PVT1: variants seen among roughly 807,000 people sequenced by gnomAD.
PVT1 encodes Pvt1 oncogene.
At chr8:127,896,782 C>CG (rs1010364014) in intron 3 of PVT1, among the ~76,000 whole-genome samples, 1 of 149,460 alleles carries the variant, frequency 6.7e-6, no homozygotes, top group Non-Finnish European at 1.5e-5. Context: ...CCTCCCCCCC[C>CG]CCGCCCCCGA....
intron 3 of PVT1, among the ~76,000 whole-genome samples, chr8:127,959,467 C>A (rs1211068293): frequency 6.6e-6 from 1 of 151,938 alleles, no homozygotes; most frequent in African/African-American, 2.4e-5. Context: ...TGCCTATAGT[C>A]CCAGCTACTC....
intron 6 of PVT1, chr8:128,096,768 A>T (rs1336488156): frequency 6.6e-6 from 1 of 152,262 alleles, no homozygotes; most frequent in Non-Finnish European, 1.5e-5. Flanking sequence ...TTATTAGAGG[A>T]TGTATGGTGG....
At chr8:127,890,572 C>A (rs989961940) in intron 2 of PVT1, 7 of 152,146 alleles carry the variant, frequency 4.6e-5, no homozygotes, top group African/African-American at 1.4e-4. Flanking sequence ...CTGTTTTTTT[C>A]TTCTTCCCTG....
chr8:127,860,594 C>G (rs1031376965), intron 2 of PVT1, among the ~76,000 whole-genome samples: 19 of 151,868 alleles, frequency 1.3e-4, no homozygotes, highest in African/African-American at 4.4e-4. Flanking sequence ...GAAACCCCGT[C>G]TCTACTAAAA....
chr8:127,893,793 C>T (rs1220561220), intron 3 of PVT1, among the ~76,000 whole-genome samples: 2 of 152,170 alleles, frequency 1.3e-5, no homozygotes, highest in Non-Finnish European at 2.9e-5. Flanking sequence ...AGCCTGGAGA[C>T]TTGAGAGTGA....
intron 2 of PVT1, among the ~76,000 whole-genome samples, chr8:127,818,815 A>G (rs1814696166): frequency 6.6e-6 from 1 of 152,126 alleles, no homozygotes; most frequent in South Asian, 2.1e-4. Flanking sequence ...AATGACGTGC[A>G]TGTAGAGCTT....
chr8:127,869,126 T>A (rs1367697734), intron 2 of PVT1, among the ~76,000 whole-genome samples: 1 of 152,052 alleles, frequency 6.6e-6, no homozygotes, highest in East Asian at 1.9e-4. Flanking sequence ...GGCATTATTA[T>A]TCTTTATTTA....
At chr8:128,078,126 C>T (rs977985264) in intron 5 of PVT1, among the ~76,000 whole-genome samples, 1 of 152,126 alleles carries the variant, frequency 6.6e-6, no homozygotes, top group Non-Finnish European at 1.5e-5. Context: ...GCGTGCCTGT[C>T]CACGATTAGA....
chr8:127,958,207 GT>G (rs889403631), intron 3 of PVT1, among the ~76,000 whole-genome samples: 9 of 151,976 alleles, frequency 5.9e-5, no homozygotes, highest in Non-Finnish European at 1.0e-4. Flanking sequence ...CATACTTTCT[GT>G]TTTTTTCTCT....
At chr8:128,089,554 A>G (rs991429267) in intron 5 of PVT1, among the ~76,000 whole-genome samples, 1 of 152,152 alleles carries the variant, frequency 6.6e-6, no homozygotes, top group Non-Finnish European at 1.5e-5. Flanking sequence ...GAGGACACAA[A>G]TGTTCAGTCT....
At chr8:128,007,715 T>G (rs530996352) in intron 4 of PVT1, among the ~76,000 whole-genome samples, 1 of 152,348 alleles carries the variant, frequency 6.6e-6, no homozygotes, top group South Asian at 2.1e-4. Context: ...GGGAAAACAG[T>G]AAGAATGTGG....
chr8:128,077,597 A>T (rs1012886715), intron 5 of PVT1, among the ~76,000 whole-genome samples: 5 of 152,208 alleles, frequency 3.3e-5, no homozygotes, highest in Admixed American at 3.3e-4. Flanking sequence ...AGGCAGTACC[A>T]CGAATAGAGA....
intron 3 of PVT1, among the ~76,000 whole-genome samples, chr8:127,902,536 G>T (rs778452918): frequency 6.6e-6 from 1 of 151,390 alleles, no homozygotes; most frequent in Non-Finnish European, 1.5e-5. Context: ...AACTCATCAC[G>T]CAGGTACTGA....
intron 3 of PVT1, among the ~76,000 whole-genome samples, chr8:127,951,402 TA>T (rs1328573815): frequency 2.6e-5 from 4 of 151,780 alleles, no homozygotes; most frequent in Admixed American, 2.6e-4. Context: ...GGGCCCTGGG[TA>T]GGAAACCCAG....
intron 4 of PVT1, among the ~76,000 whole-genome samples, chr8:127,997,359 T>G (rs1453549754): frequency 6.6e-6 from 1 of 152,110 alleles, no homozygotes; most frequent in Non-Finnish European, 1.5e-5. Context: ...TCTTTGGATT[T>G]GATTTTCCTC....
chr8:127,989,214 C>T (rs1817003028), exon 4 of PVT1: 1 of 152,216 alleles, frequency 6.6e-6, no homozygotes, highest in Non-Finnish European at 1.5e-5. Flanking sequence ...AATACATATC[C>T]TTTCAGCACT....
At chr8:128,082,406 G>A (rs1814193331) in intron 5 of PVT1, among the ~76,000 whole-genome samples, 1 of 152,190 alleles carries the variant, frequency 6.6e-6, no homozygotes, top group Non-Finnish European at 1.5e-5. Flanking sequence ...TTCTGGAGCT[G>A]CCATATTGTC....
chr8:128,056,539 C>G (rs746835305), intron 4 of PVT1, among the ~76,000 whole-genome samples: 1 of 152,148 alleles, frequency 6.6e-6, no homozygotes, highest in Non-Finnish European at 1.5e-5. Context: ...TAACCTGGGC[C>G]CTGCCCCAGT....
intron 4 of PVT1, among the ~76,000 whole-genome samples, chr8:128,003,161 C>CCT (rs531624330): frequency 7.8e-6 from 1 of 128,044 alleles, no homozygotes; most frequent in Admixed American, 8.2e-5. Flanking sequence ...ACCACCACAC[C>CCT]TTTTTTTTTT....
Sources: gnomAD v4.1 joint callset for allele counts (sites outside exome capture counted in the v4.1 genomes callset) on GRCh38, gnomAD v4.1.1 for gene constraint, MANE v1.5 for transcripts, NCBI Gene and HGNC (gene_info 2026-07-23, HGNC 2026-07-21) for gene names.